CPO: variants seen among roughly 807,000 people sequenced by gnomAD.
CPO encodes the protein carboxypeptidase O, also known as metallocarboxypeptidase C.
In CPO, 43 loss-of-function variants were observed where a neutral mutation model predicts 41.2. That is an observed-to-expected ratio of 1.04 (90% confidence interval 0.82 to 1.35). CPO has a LOEUF of 1.35. Among genes scored for constraint, CPO ranks in the 40% most tolerant of loss-of-function variants. The pLI is 0.00. For missense variants in CPO, 408 were observed against 451.7 expected (o/e 0.90, Z 0.88); for synonymous variants, 178 against 162.7 (o/e 1.09, Z -0.72).
chr2:206,949,073 C>CA (rs11284442), intron 1 of CPO, among the ~76,000 whole-genome samples: 1,671 of 99,178 alleles, frequency 0.017, 13 homozygotes, highest in Middle Eastern at 0.049. Flanking sequence ...TAAACCATTG[C>CA]AAAAAAAAAA....
chr2:206,959,393 T>C (rs927858121), intron 4 of CPO, among the ~76,000 whole-genome samples: 1 of 151,454 alleles, frequency 6.6e-6, no homozygotes, highest in Non-Finnish European at 1.5e-5. Context: ...TGGCAGGAGG[T>C]GAATGGGGTA....
intron 5 of CPO, 115 bp from the exon 6 acceptor site, chr2:206,960,737 G>T (rs1365961222): frequency 2.6e-6 from 2 of 779,922 alleles, no homozygotes; most frequent in Non-Finnish European, 4.5e-6. Context: ...TTAAAGGGAA[G>T]TTCTTCCAGA....
intron 1 of CPO, among the ~76,000 whole-genome samples, chr2:206,940,498 G>A (rs1308952102): frequency 1.3e-5 from 2 of 151,806 alleles, no homozygotes; most frequent in Non-Finnish European, 2.9e-5. Context: ...TGATTTATAA[G>A]AGTAAATATT....
At chr2:206,940,217 G>A (rs1345812243) in intron 1 of CPO, among the ~76,000 whole-genome samples, 1 of 151,952 alleles carries the variant, frequency 6.6e-6, no homozygotes, top group Admixed American at 6.6e-5. Flanking sequence ...GTCAATTCCT[G>A]CTTTTTCATT....
chr2:206,956,421 G>T (rs1400387005), intron 3 of CPO, among the ~76,000 whole-genome samples: 1 of 151,932 alleles, frequency 6.6e-6, no homozygotes, highest in Admixed American at 6.6e-5. Context: ...ATCATCAGCA[G>T]CAGCAGCAGC....
chr2:206,943,732 A>AGATAGATAGATGATGGATAGAT (rs1574345007), intron 1 of CPO, among the ~76,000 whole-genome samples: 14 of 27,694 alleles, frequency 5.1e-4, no homozygotes, highest in East Asian at 1.4e-3. Context: ...GATAGATGAT[A>AGATAGATAGATGATGGATAGAT]GATAGATAGA....
chr2:206,944,946 G>A (rs1196962377), intron 1 of CPO, among the ~76,000 whole-genome samples: 3 of 152,182 alleles, frequency 2.0e-5, no homozygotes, highest in Admixed American at 2.0e-4. Flanking sequence ...ATACTAGTTG[G>A]ATGGCTAAAT....
At chr2:206,956,263 T>G (rs1456623372) in intron 3 of CPO, among the ~76,000 whole-genome samples, 1 of 152,190 alleles carries the variant, frequency 6.6e-6, no homozygotes, top group Admixed American at 6.6e-5. Flanking sequence ...AGACCCCACC[T>G]AATTTGGTTA....
At chr2:206,941,498 A>G (rs1693028958) in intron 1 of CPO, among the ~76,000 whole-genome samples, 3 of 152,098 alleles carry the variant, frequency 2.0e-5, no homozygotes, top group East Asian at 1.9e-4. Flanking sequence ...TACAATGAAC[A>G]TGACATAAAA....
chr2:206,950,322 C>T (rs1018921506), intron 2 of CPO, among the ~76,000 whole-genome samples: 1 of 152,060 alleles, frequency 6.6e-6, no homozygotes, highest in South Asian at 2.1e-4. Flanking sequence ...ATTATGAAGC[C>T]AACAGACATA....
chr2:206,963,134 T>C (rs77003478), intron 7 of CPO, among the ~76,000 whole-genome samples: 1,748 of 147,756 alleles, frequency 0.012, 32 homozygotes, highest in African/African-American at 0.041. Context: ...GCCAGCGAAA[T>C]GCAAGCTGGA....
intron 1 of CPO, among the ~76,000 whole-genome samples, chr2:206,947,570 A>G (rs906865155): frequency 6.6e-6 from 1 of 152,192 alleles, no homozygotes; most frequent in African/African-American, 2.4e-5. Flanking sequence ...TTAAAATTGG[A>G]AACTTCTACT....
intron 2 of CPO, among the ~76,000 whole-genome samples, chr2:206,950,012 TG>T (rs1693221150): frequency 6.6e-6 from 1 of 152,222 alleles, no homozygotes; most frequent in Non-Finnish European, 1.5e-5. Context: ...CTCTTATTTT[TG>T]TTTGTCAAGT....
chr2:206,945,964 AT>A (rs1002493795), intron 1 of CPO, among the ~76,000 whole-genome samples: 16 of 142,092 alleles, frequency 1.1e-4, no homozygotes, highest in African/African-American at 3.1e-4. Context: ...ATTTAAAAAA[AT>A]TTTTTTAAAT....
At position 206,960,938 on chromosome 2, in the gene CPO, G is replaced by T. The variant is rs753470481; in HGVS notation, c.570G>T (p.Trp190Cys). The change falls in exon 6 of 9, where the codon TGG becomes TGT. Residue 190 changes from tryptophan (W) to cysteine (C), a missense_variant. Coordinates refer to ENST00000272852, the MANE Select transcript of CPO (RefSeq NM_173077.3). Reference sequence around the variant, plus strand: ...TCAATCGAAATTTCAATGCATCTTGGTGTAGTAAGTACATGCTTAGTAGAT... The same window carrying T: ...TCAATCGAAATTTCAATGCATCTTGTTGTAGTAAGTACATGCTTAGTAGAT... ...TDLNRNFNAS[W>C]CSIGASRNCQ... 1.3e-6 allele frequency: 2 copies of T among 1,586,568 alleles called. No individual in the cohort carries two copies. Among genetic ancestry groups the T allele is most frequent in the Admixed American group, 3.3e-5 (2 of 60,000 alleles).
At chr2:206,944,777 G>A (rs1307629805) in intron 1 of CPO, among the ~76,000 whole-genome samples, 1 of 151,958 alleles carries the variant, frequency 6.6e-6, no homozygotes, top group Admixed American at 6.6e-5. Flanking sequence ...TAGTGGAATT[G>A]TCTGGAGAAA....
At chr2:206,968,642 G>A (rs1021853883) in intron 8 of CPO, among the ~76,000 whole-genome samples, 4 of 152,180 alleles carry the variant, frequency 2.6e-5, no homozygotes, top group Non-Finnish European at 5.9e-5. Context: ...TAACAGGAAG[G>A]ACATTGTCCA....
chr2:206,966,391 C>T (rs368175221), intron 7 of CPO, among the ~76,000 whole-genome samples: 6 of 152,184 alleles, frequency 3.9e-5, no homozygotes, highest in South Asian at 2.1e-4. Context: ...AAAAGCAATT[C>T]GTATCTCTGC....
chr2:206,962,669 CT>C (rs1305205378), intron 7 of CPO, 55 bp downstream of exon 7: 30 of 1,417,480 alleles, frequency 2.1e-5, no homozygotes, highest in Non-Finnish European at 2.9e-5. Flanking sequence ...CTCTGCCTTC[CT>C]TTTTCTGATT....
Sources: allele counts gnomAD v4.1 joint callset (sites outside exome capture counted in the v4.1 genomes callset), GRCh38; gene constraint gnomAD v4.1.1; transcripts MANE v1.5; gene names NCBI Gene and HGNC (gene_info 2026-07-23, HGNC 2026-07-21).